The following PDLIM5 variants were observed in gnomAD, a reference collection of about 807,000 sequenced individuals.
The protein encoded by PDLIM5 is PDZ and LIM domain 5.
PDLIM5 carries 34 observed loss-of-function variants against 64.2 expected under a neutral mutation model. The ratio of observed to expected loss-of-function variants is 0.53; its 90% CI spans 0.40 to 0.71. The LOEUF (loss-of-function observed/expected upper bound fraction) is 0.71, where lower values mean the gene tolerates loss of function less well. PDLIM5 is among the 30% of genes least tolerant of loss of function. PDLIM5 has a pLI of 0.00. For missense variants in PDLIM5, 683 were observed against 733.6 expected (o/e 0.93, Z 0.80); for synonymous variants, 253 against 269.1 (o/e 0.94, Z 0.59).
chr4:94,611,936 G>T (rs565190218), intron 7 of PDLIM5, among the ~76,000 whole-genome samples: 13 of 152,186 alleles, frequency 8.5e-5, no homozygotes, highest in South Asian at 6.2e-4. Flanking sequence ...TATTTACCTG[G>T]GCCAGGTGCA....
intron 5 of PDLIM5, among the ~76,000 whole-genome samples, chr4:94,581,684 A>G (rs1735744065): frequency 6.6e-6 from 1 of 152,202 alleles, no homozygotes; most frequent in Non-Finnish European, 1.5e-5. Context: ...TATGTTTATA[A>G]TGAATTGTTA....
chr4:94,584,753 G>A (rs887153627), intron 5 of PDLIM5: 10 of 454,142 alleles, frequency 2.2e-5, no homozygotes, highest in Admixed American at 2.1e-4. Flanking sequence ...ATTTAATTTC[G>A]TGAAAGCCAA....
At chr4:94,495,002 C>T (rs541626321) in intron 2 of PDLIM5, among the ~76,000 whole-genome samples, 10 of 152,006 alleles carry the variant, frequency 6.6e-5, no homozygotes, top group Admixed American at 1.3e-4. Context: ...CCTTGGCCTC[C>T]GAAAAATGTT....
intron 2 of PDLIM5, among the ~76,000 whole-genome samples, chr4:94,521,198 A>G (rs1729795198): frequency 6.6e-6 from 1 of 152,134 alleles, no homozygotes; most frequent in South Asian, 2.1e-4. Context: ...CTCATTTTAT[A>G]AATAGGGAGT....
intron 2 of PDLIM5, among the ~76,000 whole-genome samples, chr4:94,488,651 C>T (rs2452554): frequency 0.2 from 29,838 of 152,050 alleles, 3,177 homozygotes; most frequent in East Asian, 0.24. Context: ...AACACATATC[C>T]ATAAAAACCT....
intron 8 of PDLIM5, among the ~76,000 whole-genome samples, chr4:94,627,560 A>G (rs1429807366): frequency 6.6e-6 from 1 of 152,246 alleles, no homozygotes; most frequent in Non-Finnish European, 1.5e-5. Flanking sequence ...CCTTGGTCAC[A>G]TCTGGCCCAC....
intron 3 of PDLIM5, among the ~76,000 whole-genome samples, chr4:94,548,007 T>G (rs1732474198): frequency 6.6e-6 from 1 of 152,220 alleles, no homozygotes; most frequent in Non-Finnish European, 1.5e-5. Flanking sequence ...GTTCCCATCC[T>G]TATCTATCAT....
intron 8 of PDLIM5, among the ~76,000 whole-genome samples, chr4:94,621,879 CATT>C (rs530764509): frequency 1.3e-5 from 2 of 151,966 alleles, no homozygotes; most frequent in Non-Finnish European, 2.9e-5. Flanking sequence ...CATTATATAA[CATT>C]ATAAAACAAA....
At chr4:94,563,366 A>G (rs1233267249) in intron 3 of PDLIM5, among the ~76,000 whole-genome samples, 4 of 152,230 alleles carry the variant, frequency 2.6e-5, no homozygotes, top group African/African-American at 9.6e-5. Flanking sequence ...TTGATCACTA[A>G]TTTTTAAATT....
At chr4:94,659,480 GTATATATGTGTGTA>G (rs781417321) in intron 11 of PDLIM5, among the ~76,000 whole-genome samples, 14 of 133,370 alleles carry the variant, frequency 1.0e-4, no homozygotes, top group African/African-American at 1.8e-4. Context: ...AGCAGCTGTA[GTATATATGTGTGTA>G]TGTGTGTGTG....
At chr4:94,551,020 G>A (rs1732759884) in intron 3 of PDLIM5, among the ~76,000 whole-genome samples, 1 of 151,984 alleles carries the variant, frequency 6.6e-6, no homozygotes, top group Non-Finnish European at 1.5e-5. Context: ...AAAAGGAAAG[G>A]CAAAGGCCCA....
intron 5 of PDLIM5, chr4:94,579,383 T>C: frequency 2.3e-6 from 1 of 429,224 alleles, no homozygotes; most frequent in South Asian, 6.4e-5. Context: ...AGTCTTTTAG[T>C]ATCTTATAAT....
chr4:94,619,352 C>CTT (rs5860369), intron 8 of PDLIM5, among the ~76,000 whole-genome samples: 1,871 of 143,486 alleles, frequency 0.013, 51 homozygotes, highest in African/African-American at 0.044. Flanking sequence ...TCTTTTTTTT[C>CTT]TTTTTTTTTT....
chr4:94,460,116 A>G lies in PDLIM5; in HGVS notation c.96+4732A>G, dbSNP rs116183748. 6.1e-3 allele frequency among the ~76,000 whole-genome samples: 934 copies of G among 152,278 alleles called. 12 individuals carry two copies. Among genetic ancestry groups the G allele is most frequent in the African/African-American group, 0.022 (903 of 41,546 alleles). On this transcript the variant is annotated intron_variant, in intron 2 of 12. Coordinates refer to ENST00000317968, the MANE Select transcript of PDLIM5 (RefSeq NM_006457.5). ...TTAGAAAATTAATTTAGTTTGTATA[A>G]CTATATGATGTATATTTCACATGTG...
chr4:94,539,587 A>G (rs1457203625), intron 3 of PDLIM5, among the ~76,000 whole-genome samples: 2 of 152,262 alleles, frequency 1.3e-5, no homozygotes, highest in East Asian at 1.9e-4. Flanking sequence ...AGAAACAGAC[A>G]TATAAAGTGA....
At chr4:94,659,841 G>C (rs542753519) in intron 11 of PDLIM5, among the ~76,000 whole-genome samples, 1 of 150,958 alleles carries the variant, frequency 6.6e-6, no homozygotes, top group Non-Finnish European at 1.5e-5. Context: ...AATAGTTTTT[G>C]AAATGTGAAT....
intron 3 of PDLIM5, among the ~76,000 whole-genome samples, chr4:94,569,158 A>G (rs1734587162): frequency 6.6e-6 from 1 of 152,192 alleles, no homozygotes; most frequent in Non-Finnish European, 1.5e-5. Flanking sequence ...GTTAGAAGAG[A>G]GGGTGATACT....
chr4:94,472,876 A>G (rs1035109536), intron 2 of PDLIM5, among the ~76,000 whole-genome samples: 4 of 152,214 alleles, frequency 2.6e-5, no homozygotes, highest in Non-Finnish European at 1.5e-5. Flanking sequence ...AACATTTATT[A>G]TATGCAGGAC....
intron 11 of PDLIM5, among the ~76,000 whole-genome samples, chr4:94,659,620 C>T (rs1272774434): frequency 6.6e-6 from 1 of 151,726 alleles, no homozygotes; most frequent in Non-Finnish European, 1.5e-5. Context: ...CTCTGCCTCC[C>T]GGGTTCATGC....
Sources: allele counts gnomAD v4.1 joint callset (sites outside exome capture counted in the v4.1 genomes callset), GRCh38; gene constraint gnomAD v4.1.1; transcripts MANE v1.5; gene names NCBI Gene and HGNC (gene_info 2026-07-23, HGNC 2026-07-21).